The following HS1BP3 variants were observed in gnomAD, a reference collection of about 807,000 sequenced individuals.
The protein encoded by HS1BP3 is HCLS1-binding protein 3.
A neutral mutation model predicts 33.5 loss-of-function variants in HS1BP3; 32 were observed. That is an observed-to-expected ratio of 0.95 (90% CI 0.72 to 1.28). HS1BP3 has a LOEUF of 1.28. HS1BP3 is among the 50% of genes most tolerant of loss of function. The probability of loss-of-function intolerance (pLI) is 0.00; values close to 1 mark genes in which losing one functional copy is unlikely to be tolerated. For missense variants in HS1BP3, 486 were observed against 502.3 expected, an observed-to-expected ratio of 0.97 and a Z score of 0.31; for synonymous variants, 187 against 209.2, an observed-to-expected ratio of 0.89 and a Z score of 0.92.
At chr2:20,583,889 C>G (rs980914611) in intron 5 of HS1BP3, among the ~76,000 whole-genome samples, 3 of 152,192 alleles carry the variant, frequency 2.0e-5, no homozygotes, top group African/African-American at 7.2e-5. Flanking sequence ...ACCTGGCCAG[C>G]ATAGCACCTG....
chr2:20,604,129 A>G (rs1207499283), intron 2 of HS1BP3, among the ~76,000 whole-genome samples: 1 of 152,254 alleles, frequency 6.6e-6, no homozygotes, highest in Admixed American at 6.5e-5. Context: ...TTAAATAACA[A>G]TTCATCAGAC....
chr2:20,567,597 C>G (rs756607857), intron 5 of HS1BP3, among the ~76,000 whole-genome samples: 4 of 152,162 alleles, frequency 2.6e-5, no homozygotes, highest in Admixed American at 1.3e-4. Flanking sequence ...ACTTCCCCCC[C>G]AGACACAGCC....
rs150981540 is a variant in HS1BP3 at position 20,603,254 on chromosome 2, G to C, written c.179-4989C>G. Among the ~76,000 whole-genome samples, 665 of 152,192 alleles carry C rather than the reference G, an allele frequency of 4.4e-3. 6 individuals are homozygous for C. The highest frequency in any genetic ancestry group is 0.016 in the African/African-American group (646 of 41,508). ...TATGTCCAAGAGAAATAGAAACATA[G>C]GTCCACACCAAAACTACACATGAAT... is the stretch of plus-strand genomic sequence containing the variant. On this transcript the variant is annotated intron_variant, in intron 2 of 3. Coordinates refer to the HS1BP3 transcript ENST00000415264.
chr2:20,622,562 G>A (rs889162509), intron 6 of HS1BP3: 3 of 346,424 alleles, frequency 8.7e-6, no homozygotes, highest in Non-Finnish European at 1.7e-5. Context: ...CAGCCACAGA[G>A]CCCCTTTGAA....
chr2:20,583,207 G>A (rs955686221), intron 5 of HS1BP3, among the ~76,000 whole-genome samples: 2 of 152,354 alleles, frequency 1.3e-5, no homozygotes. Flanking sequence ...CTGGGCACAG[G>A]TTGTCCCATT....
chr2:20,583,113 G>C (rs991908016), intron 5 of HS1BP3, among the ~76,000 whole-genome samples: 2 of 152,246 alleles, frequency 1.3e-5, no homozygotes, highest in Non-Finnish European at 2.9e-5. Context: ...GGGCGATGGA[G>C]CAGGCATGTG....
chr2:20,639,818 C>T (rs140139677), intron 3 of HS1BP3, among the ~76,000 whole-genome samples: 2 of 152,346 alleles, frequency 1.3e-5, no homozygotes, highest in East Asian at 3.9e-4. Context: ...CTGAGCATCT[C>T]TTCCAGCGAT....
rs571888235 is a variant in HS1BP3 at position 20,618,742 on chromosome 2, G to A, written c.*245C>T. ...CACCCTCCCTCCCCTTCATGTCCACGGGGAATAAGACACATTGGGCTCTGG... is the reference window on the plus strand; with the variant it reads ...CACCCTCCCTCCCCTTCATGTCCACAGGGAATAAGACACATTGGGCTCTGG... On this transcript the variant is annotated 3_prime_UTR_variant, in exon 7 of 7. Coordinates refer to ENST00000304031, the MANE Select transcript of HS1BP3 (RefSeq NM_022460.4). 9 of 1,295,100 alleles carry A rather than the reference G, an allele frequency of 6.9e-6. No individual in the cohort carries two copies. Among genetic ancestry groups the A allele is most frequent in the Middle Eastern group, 2.0e-4 (1 of 5,074 alleles). 80.2% of individuals were successfully genotyped at this position (1,295,100 alleles called of 1,614,324 possible). A position where few individuals can be genotyped will look rare whatever the true frequency, so the allele number is the denominator to read the frequency against.
At chr2:20,605,690 C>A (rs980368064) in intron 2 of HS1BP3, among the ~76,000 whole-genome samples, 2 of 152,172 alleles carry the variant, frequency 1.3e-5, no homozygotes, top group African/African-American at 4.8e-5. Context: ...ATGTGTGACC[C>A]TTGGTGACTG....
intron 2 of HS1BP3, chr2:20,606,314 C>A (rs1467631022): frequency 2.2e-6 from 1 of 463,958 alleles, no homozygotes; most frequent in Non-Finnish European, 4.3e-6. Context: ...TGCATCTCCA[C>A]CCTTGGTATT....
chr2:20,559,887 G>A (rs185786548), downstream of HS1BP3, among the ~76,000 whole-genome samples: 250 of 152,314 alleles, frequency 1.6e-3, 3 homozygotes, highest in Non-Finnish European at 1.5e-3. Flanking sequence ...CACCACTTGC[G>A]ATTTTTATGC....
chr2:20,597,073 G>A (rs1237301450), intron 3 of HS1BP3, among the ~76,000 whole-genome samples: 3 of 152,304 alleles, frequency 2.0e-5, no homozygotes, highest in East Asian at 3.9e-4. Flanking sequence ...GACACAGGCC[G>A]CCACTCCAGG....
At position 20,645,446 on chromosome 2, in the gene HS1BP3, C is replaced by T. The variant is rs535174101; in HGVS notation, c.92G>A (p.Arg31Gln). 2.5e-5 allele frequency: 41 copies of T among 1,614,106 alleles called. No homozygotes were observed. The East Asian group carries it at 3.1e-4, about 12-fold the overall frequency. The change falls in exon 2 of 7, where the codon CGG becomes CAG. Residue 31 changes from arginine (R) to glutamine (Q), a missense_variant. By Grantham distance (43) the Arg-to-Gln change is conservative. Transcript: ENST00000304031. ...CACGTGTCCAGACATCATCTTGCCC[C>T]GTACCTCCTGGTGCTGGGGCACAGT... The part of the protein sequence containing the change: ...DLTVPQHQEV[R>Q]GKMMSGHVEY...
chr2:20,590,667 A>T (rs372307209), downstream of HS1BP3: 1 of 152,556 alleles, frequency 6.6e-6, no homozygotes, highest in Non-Finnish European at 1.5e-5. Flanking sequence ...CTGGGCCTCT[A>T]TGAATTTCCA....
intron 6 of HS1BP3, 134 bp downstream of exon 6, chr2:20,623,762 G>A (rs1167066900): frequency 9.6e-7 from 1 of 1,038,040 alleles, no homozygotes. Flanking sequence ...TGCACCCACA[G>A]GCTTCTACTT....
chr2:20,579,877 C>G (rs1693490982), intron 5 of HS1BP3, among the ~76,000 whole-genome samples: 1 of 152,256 alleles, frequency 6.6e-6, no homozygotes, highest in Admixed American at 6.5e-5. Flanking sequence ...TAACGTAAGG[C>G]ACATAAAGTT....
At chr2:20,562,979 C>T (rs185542699) in intron 5 of HS1BP3, among the ~76,000 whole-genome samples, 23 of 152,352 alleles carry the variant, frequency 1.5e-4, no homozygotes, top group African/African-American at 5.5e-4. Flanking sequence ...TACCTGGGAA[C>T]CTTCTCAACT....
In HS1BP3 at chr2:20,618,928, C is replaced by T; in HGVS notation, c.*59G>A. 1.3e-6 allele frequency: 2 copies of T among 1,563,834 alleles called. No individual in the cohort carries two copies. Among genetic ancestry groups the T allele is most frequent in the Admixed American group, 3.6e-5 (2 of 54,842 alleles). On this transcript the variant is annotated 3_prime_UTR_variant, in exon 7 of 7. Transcript: ENST00000304031. ...CTGACCCTGCAGGGCCCAGTCCCTT[C>T]CCTTCACACCGATGTCCCCACAGAC...
intron 4 of HS1BP3, among the ~76,000 whole-genome samples, chr2:20,632,431 G>A (rs11903141): frequency 6.6e-6 from 1 of 152,214 alleles, no homozygotes; most frequent in African/African-American, 2.4e-5. Context: ...TGAGAAGTCA[G>A]TCCCCTGGCA....
Sources: gnomAD v4.1 joint callset for allele counts (sites outside exome capture counted in the v4.1 genomes callset) on GRCh38, gnomAD v4.1.1 for gene constraint, MANE v1.5 for transcripts, NCBI Gene and HGNC (gene_info 2026-07-23, HGNC 2026-07-21) for gene names.